CWC22: variants seen among roughly 807,000 people sequenced by gnomAD.
The protein encoded by CWC22 is pre-mRNA-splicing factor CWC22 homolog.
A neutral mutation model predicts 117.2 loss-of-function variants in CWC22; 53 were observed. That is an observed-to-expected ratio of 0.45 (90% confidence interval 0.36 to 0.57). The LOEUF is 0.57. CWC22 is among the 20% of genes least tolerant of loss of function. The pLI, the probability that CWC22 is intolerant of heterozygous loss-of-function variation, is 0.00. For missense variants in CWC22, 980 were observed against 1,068.8 expected, an observed-to-expected ratio of 0.92 and a Z score of 1.16; for synonymous variants, 360 against 355.6, an observed-to-expected ratio of 1.01 and a Z score of -0.14.
chr2:179,961,655 TTGA>T (rs1686753261), intron 13 of CWC22, among the ~76,000 whole-genome samples: 1 of 152,038 alleles, frequency 6.6e-6, no homozygotes, highest in Admixed American at 6.6e-5. Flanking sequence ...AGTCGAGTAG[TTGA>T]TGAAGAAATG....
intron 1 of CWC22, 89 bp from the exon 2 acceptor site, chr2:179,993,543 G>A (rs1407967071): frequency 2.2e-5 from 11 of 499,184 alleles, no homozygotes; most frequent in South Asian, 9.9e-5. Context: ...ACATTTGACC[G>A]CTTTATTTTT....
At chr2:180,005,769 CA>C (rs1026893723) in intron 1 of CWC22, among the ~76,000 whole-genome samples, 2 of 151,968 alleles carry the variant, frequency 1.3e-5, no homozygotes, top group Non-Finnish European at 2.9e-5. Context: ...TCTTTATACT[CA>C]AAAAAAGACA....
At chr2:179,947,321 TG>T (rs968226466) in intron 19 of CWC22, among the ~76,000 whole-genome samples, 3 of 152,182 alleles carry the variant, frequency 2.0e-5, no homozygotes, top group African/African-American at 7.2e-5. Flanking sequence ...AGAAACCATC[TG>T]GCTCTGTGCT....
chr2:179,990,464 A>G (rs1263502130), intron 2 of CWC22, among the ~76,000 whole-genome samples: 1 of 152,112 alleles, frequency 6.6e-6, no homozygotes, highest in East Asian at 1.9e-4. Flanking sequence ...CTTGTAGAAG[A>G]CAGACAGGCT....
At chr2:179,975,684 T>TG (rs1300135521) in intron 6 of CWC22, among the ~76,000 whole-genome samples, 18 of 151,796 alleles carry the variant, frequency 1.2e-4, no homozygotes, top group Non-Finnish European at 2.2e-4. Flanking sequence ...ACAATAGCTA[T>TG]GAAAAAAAAA....
At chr2:179,995,823 G>A (rs1050675235) in intron 1 of CWC22, among the ~76,000 whole-genome samples, 3 of 152,178 alleles carry the variant, frequency 2.0e-5, no homozygotes, top group African/African-American at 7.2e-5. Context: ...ACCACGCAAG[G>A]GTGGCTAAAA....
intron 5 of CWC22, among the ~76,000 whole-genome samples, chr2:179,979,593 T>A (rs1052341560): frequency 1.3e-5 from 2 of 152,148 alleles, no homozygotes; most frequent in African/African-American, 4.8e-5. Flanking sequence ...GAACGAGTAT[T>A]GTATCACTGA....
At chr2:179,973,287 C>A (rs768219710) in intron 7 of CWC22, 41 bp from the exon 8 acceptor site, 5 of 1,436,154 alleles carry the variant, frequency 3.5e-6, no homozygotes, top group South Asian at 2.5e-5. Flanking sequence ...AAACTAAACC[C>A]AATTTTCATT....
chr2:179,965,793 G>T (rs1171958501), intron 12 of CWC22, 85 bp downstream of exon 12: 3 of 1,161,092 alleles, frequency 2.6e-6, no homozygotes, highest in Middle Eastern at 2.6e-4. Context: ...TCTCCCCAAA[G>T]ATTGAGAACT....
chr2:179,981,893 G>A lies in CWC22; in HGVS notation c.311C>T (p.Thr104Ile). The A allele has an allele frequency of 4.4e-6, 7 of 1,606,586 alleles. No individual in the cohort carries two copies. Among genetic ancestry groups the A allele is most frequent in the Non-Finnish European group, 6.0e-6 (7 of 1,176,008 alleles). Residue 104 changes from threonine to isoleucine, a missense_variant, in exon 5 of 20, where the codon ACT becomes ATT. Transcript: ENST00000410053. Reference sequence around the variant, plus strand: ...TTCATCCTGAGCAGAGGAACTCTGAGTTACTGATGTTTCTGGGTTTCTCCT... The same window carrying A: ...TTCATCCTGAGCAGAGGAACTCTGAATTACTGATGTTTCTGGGTTTCTCCT... ...PGRRNPETSV[T>I]QSSSAQDEPA... is the part of the protein sequence containing the mutation.
intron 1 of CWC22, 124 bp from the exon 2 acceptor site, chr2:179,993,578 A>G: frequency 2.1e-6 from 1 of 467,006 alleles, no homozygotes; most frequent in Non-Finnish European, 3.8e-6. Flanking sequence ...AAATATAATA[A>G]AAATTGTAAA....
At chr2:179,978,125 T>A in intron 6 of CWC22, 65 bp downstream of exon 6, 4 of 1,367,856 alleles carry the variant, frequency 2.9e-6, no homozygotes, top group Non-Finnish European at 3.8e-6. Context: ...TTATTGTTCA[T>A]GTAGATATTA....
rs562391817 is a variant in CWC22 at position 179,984,223 on chromosome 2, T to C, written c.207-2226A>G. Among the ~76,000 whole-genome samples the C allele has an allele frequency of 3.9e-4, 60 of 152,234 alleles. 1 individual carries two copies. In the South Asian group the frequency reaches 0.012, roughly 30 times the overall value. ...CCAGTTTCAACATCTACCAGATGTT[T>C]AAATGCAACCTCAGGTAAGCTACTT... On this transcript the variant is annotated intron_variant, in intron 4 of 19. Coordinates refer to ENST00000410053, the MANE Select transcript of CWC22 (RefSeq NM_020943.3).
At chr2:179,966,684 T>C (rs1351084564) in intron 11 of CWC22, among the ~76,000 whole-genome samples, 3 of 152,282 alleles carry the variant, frequency 2.0e-5, no homozygotes, top group African/African-American at 7.2e-5. Context: ...AGGCCAGTCA[T>C]TATGTTAAAA....
chr2:179,946,754 C>T (rs947144287), intron 19 of CWC22, among the ~76,000 whole-genome samples: 1 of 152,160 alleles, frequency 6.6e-6, no homozygotes, highest in Non-Finnish European at 1.5e-5. Context: ...AGTAGAACAA[C>T]TGGGTTTGCT....
intron 4 of CWC22, 78 bp from the exon 5 acceptor site, chr2:179,982,075 G>A (rs544962301): frequency 4.0e-6 from 3 of 753,028 alleles, no homozygotes; most frequent in South Asian, 3.6e-5. Context: ...ACAAATGAGT[G>A]AGACCATAAG....
intron 5 of CWC22, among the ~76,000 whole-genome samples, chr2:179,979,586 C>T (rs1355366421): frequency 6.6e-6 from 1 of 152,026 alleles, no homozygotes; most frequent in South Asian, 2.1e-4. Context: ...TTGGTGGGAA[C>T]GAGTATTGTA....
intron 1 of CWC22, among the ~76,000 whole-genome samples, 170 bp downstream of exon 1, chr2:180,006,697 C>CT (rs1462457580): frequency 6.6e-6 from 1 of 152,224 alleles, no homozygotes; most frequent in Non-Finnish European, 1.5e-5. Context: ...AGGAAAGGGG[C>CT]TTTGGCAAGC....
At chr2:179,963,042 T>C (rs1686794155) in intron 13 of CWC22, among the ~76,000 whole-genome samples, 1 of 152,150 alleles carries the variant, frequency 6.6e-6, no homozygotes, top group South Asian at 2.1e-4. Flanking sequence ...CTGACACCAC[T>C]ATGTAGTAGT....
Sources: gnomAD v4.1 joint callset for allele counts (sites outside exome capture counted in the v4.1 genomes callset) on GRCh38, gnomAD v4.1.1 for gene constraint, MANE v1.5 for transcripts, NCBI Gene and HGNC (gene_info 2026-07-23, HGNC 2026-07-21) for gene names.